The following SPG11 variants were observed in gnomAD, a reference collection of about 807,000 sequenced individuals.
SPG11 encodes the protein spatacsin.
Under a neutral mutation model 274.0 loss-of-function variants are expected in SPG11, and 222 were observed. That is an observed-to-expected ratio of 0.81 (90% CI 0.73 to 0.91). The LOEUF (loss-of-function observed/expected upper bound fraction) is 0.91. Ranked by LOEUF, SPG11 falls within the 40% of genes least tolerant of loss-of-function variation. The pLI is 0.00. For synonymous variants in SPG11, 1,144 were observed against 1,039.7 expected (o/e 1.10, Z -1.93); for missense variants, 3,114 against 2,872.7 (o/e 1.08, Z -1.92).
At chr15:44,657,951 C>A (rs1294463052) in intron 3 of SPG11, among the ~76,000 whole-genome samples, 1 of 152,184 alleles carries the variant, frequency 6.6e-6, no homozygotes, top group Non-Finnish European at 1.5e-5. Context: ...CGCTTGAGCC[C>A]AGGAGGCAGG....
rs372906057 is a variant in SPG11, at chr15:44,615,544, C to A, written c.2857G>T (p.Glu953Ter). The A allele has an allele frequency of 5.0e-6, 8 of 1,613,882 alleles. No homozygotes were observed. The highest frequency in any genetic ancestry group is 6.8e-6 in the Non-Finnish European group (8 of 1,180,012). Residue 953 changes from glutamate to a stop codon, truncating the protein, a stop_gained, in exon 16 of 40, where the codon GAA becomes TAA. Transcript: ENST00000261866. LOFTEE classifies it high-confidence loss of function. ...AGGAAGCATTCAAAGTCTTCCAGTT[C>A]AGATGCCAAAAAAACCCCATTCCTA... ...LARNGVFLASELEDFECFLLR... is the reference protein window; with the variant it reads ...LARNGVFLAS
At chr15:44,651,458 A>C (rs763696524) in intron 6 of SPG11, 33 bp downstream of exon 6, 2 of 1,580,540 alleles carry the variant, frequency 1.3e-6, no homozygotes. Flanking sequence ...ACATCTCAGC[A>C]ATGGATTTCA....
chr15:44,575,140 T>C, intron 30 of SPG11, 99 bp from the exon 31 acceptor site: 4 of 1,444,968 alleles, frequency 2.8e-6, no homozygotes, highest in South Asian at 1.2e-5. Flanking sequence ...CTCCCTGCAC[T>C]GCACTCCCAT....
chr15:44,563,324 C>G, intron 39 of SPG11, 23 bp from the exon 40 acceptor site: 1 of 1,602,720 alleles, frequency 6.2e-7, no homozygotes, highest in Non-Finnish European at 8.5e-7. Flanking sequence ...ACATAATGTA[C>G]AGGTTAAGAT....
Position 44,598,642 on chromosome 15 carries a change from C to CT in SPG11, c.3880dup (p.Arg1294LysfsTer10). ...AAAAGGTGCTGTACCTACAGACTCT[C>CT]TGATAAAGCTGTACTGAGCATCTTC... On this transcript the variant is annotated frameshift_variant, in exon 22 of 40. Coordinates refer to ENST00000261866, the MANE Select transcript of SPG11 (RefSeq NM_025137.4). LOFTEE classifies it high-confidence loss of function. The CT allele has an allele frequency of 6.2e-7, 1 of 1,614,170 alleles. No individual in the cohort carries two copies. Among genetic ancestry groups the CT allele is most frequent in the Non-Finnish European group, 8.5e-7 (1 of 1,180,010 alleles).
intron 26 of SPG11, among the ~76,000 whole-genome samples, 179 bp from the exon 27 acceptor site, chr15:44,592,617 G>A (rs985952616): frequency 1.3e-5 from 2 of 152,014 alleles, no homozygotes; most frequent in East Asian, 1.9e-4. Context: ...CCAGGAGTTC[G>A]AGACCACCCT....
In SPG11 at chr15:44,651,630, A is replaced by G; in HGVS notation, c.1317T>C (p.Phe439=). 1 of 1,614,250 alleles carries G rather than the reference A, an allele frequency of 6.2e-7. No homozygotes were observed. Among genetic ancestry groups the G allele is most frequent in the Non-Finnish European group, 8.5e-7 (1 of 1,180,044 alleles). The change falls in exon 6 of 40, where the codon TTT becomes TTC. Residue 439 remains phenylalanine (F), a synonymous_variant. Coordinates refer to ENST00000261866, the MANE Select transcript of SPG11 (RefSeq NM_025137.4). ...CVSVTGFTAL[F]TWEVERMGYT... is the part of the protein sequence containing the mutation. The stretch of plus-strand genomic sequence containing the variant: ...AGCCCATCCTTTCCACTTCCCAAGT[A>G]AACAGTGCAGTGAATCCTGTCACAG...
In SPG11 at chr15:44,613,540, T is replaced by A. The variant is rs1326680033; in HGVS notation, c.3039-4A>T. ...GGGACAATTTTCAGGACTAAGTCTG[T>A]ATATAAAACAAACAAAAACCTTCTT... On this transcript the variant is annotated splice_region_variant and splice_polypyrimidine_tract_variant and intron_variant, in intron 16 of 39. Coordinates refer to ENST00000261866, the MANE Select transcript of SPG11 (RefSeq NM_025137.4). 8 of 1,591,710 alleles carry A rather than the reference T, an allele frequency of 5.0e-6. No individual in the cohort carries two copies. Among genetic ancestry groups the A allele is most frequent in the Non-Finnish European group, 6.9e-6 (8 of 1,159,946 alleles).
intron 15 of SPG11, among the ~76,000 whole-genome samples, chr15:44,616,205 T>A (rs2083590223): frequency 6.6e-6 from 1 of 150,922 alleles, no homozygotes; most frequent in Non-Finnish European, 1.5e-5. Flanking sequence ...ATCATTCCCA[T>A]ACTTTTTTTT....
At chr15:44,636,925 CAAAAAAAAAAAAAAAA>C (rs370928375) in intron 7 of SPG11, among the ~76,000 whole-genome samples, 7 of 19,454 alleles carry the variant, frequency 3.6e-4, no homozygotes, top group African/African-American at 1.3e-3. Flanking sequence ...GACTCCATCT[CAAAAAAAAAAAAAAAA>C]AAAAAAAAAA....
At chr15:44,657,387 C>T in intron 3 of SPG11, 91 bp from the exon 4 acceptor site, 10 of 1,209,854 alleles carry the variant, frequency 8.3e-6, no homozygotes, top group Non-Finnish European at 1.2e-5. Context: ...GACTTTATCA[C>T]TCCAATTTTG....
intron 7 of SPG11, among the ~76,000 whole-genome samples, chr15:44,648,512 CAA>C (rs57643988): frequency 8.1e-4 from 44 of 54,188 alleles, no homozygotes; most frequent in African/African-American, 1.0e-3. Context: ...CACCCTGTGT[CAA>C]AAAAAAAAAA....
In SPG11 at chr15:44,660,634, G is replaced by A; in HGVS notation, c.258-18C>T. 1 of 1,612,004 alleles carries A rather than the reference G, an allele frequency of 6.2e-7. No individual in the cohort carries two copies. The highest frequency in any genetic ancestry group is 8.5e-7 in the Non-Finnish European group (1 of 1,178,140). On this transcript the variant is annotated intron_variant, in intron 1 of 39. Transcript: ENST00000261866. Reference sequence around the variant, plus strand: ...ATAGAAAGCTAAGAAAAAAAGTTTAGATTTATTATATTCTATATCCGCAAT... The same window carrying A: ...ATAGAAAGCTAAGAAAAAAAGTTTAAATTTATTATATTCTATATCCGCAAT...
intron 33 of SPG11, chr15:44,572,324 A>C (rs2082440563): frequency 3.1e-6 from 1 of 324,716 alleles, no homozygotes; most frequent in Non-Finnish European, 6.0e-6. Flanking sequence ...CTTTGAATCC[A>C]TGGACTGGGT....
In SPG11 at chr15:44,592,551, G is replaced by A; in HGVS notation, c.4636-113C>T. On this transcript the variant is annotated intron_variant, in intron 26 of 39. Transcript: ENST00000261866. The stretch of plus-strand genomic sequence containing the variant: ...GCTATTAATAAGGCAGGGCACAGTG[G>A]CTCATGCCTGTAATGCCAGCACTTT... The A allele has an allele frequency of 4.1e-6, 3 of 726,710 alleles. No homozygotes were observed. The East Asian group carries it at 8.2e-5, about 20-fold the overall frequency. 45.0% of individuals were successfully genotyped at this position (726,710 alleles called of 1,614,324 possible).
intron 38 of SPG11, among the ~76,000 whole-genome samples, chr15:44,565,487 T>C (rs931506023): frequency 6.6e-6 from 1 of 152,206 alleles, no homozygotes; most frequent in Admixed American, 6.5e-5. Context: ...TGACAGGAGA[T>C]GGTGTGCAGG....
rs904581679 is a variant in SPG11, at chr15:44,572,745, G to C, written c.6281C>G (p.Thr2094Arg). The change falls in exon 33 of 40, where the codon ACA becomes AGA. Residue 2094 changes from threonine (T) to arginine (R), a missense_variant. Coordinates refer to ENST00000261866, the MANE Select transcript of SPG11 (RefSeq NM_025137.4). ...LQLTTLCQDR[T>R]LVGMKLLDKI... is the part of the protein sequence containing the mutation. ...ATCCAACAACTTCATGCCTACCAAT[G>C]TGCGGTCTTGACACAGAGTGGTCAG... 6 of 1,614,064 alleles carry C rather than the reference G, an allele frequency of 3.7e-6. No homozygotes were observed. The highest frequency in any genetic ancestry group is 5.1e-6 in the Non-Finnish European group (6 of 1,179,978).
chr15:44,597,408 G>A (rs1313585715), intron 23 of SPG11, among the ~76,000 whole-genome samples: 4 of 152,040 alleles, frequency 2.6e-5, no homozygotes, highest in African/African-American at 9.7e-5. Flanking sequence ...CACTGTGCCT[G>A]GCCAAAAACA....
chr15:44,624,721 G>C (rs762755828), intron 11 of SPG11, among the ~76,000 whole-genome samples: 2 of 152,134 alleles, frequency 1.3e-5, no homozygotes, highest in African/African-American at 2.4e-5. Flanking sequence ...ATATTAATTA[G>C]CTTACTTGTG....
Sources: allele counts gnomAD v4.1 joint callset (sites outside exome capture counted in the v4.1 genomes callset), GRCh38; gene constraint gnomAD v4.1.1; transcripts MANE v1.5; gene names NCBI Gene and HGNC (gene_info 2026-07-23, HGNC 2026-07-21).